The following ACOXL variants were observed in gnomAD, a reference collection of about 807,000 sequenced individuals.
ACOXL encodes acyl-coenzyme A oxidase-like protein.
Under a neutral mutation model 71.9 loss-of-function variants are expected in ACOXL, and 70 were observed. That is an observed-to-expected ratio of 0.97 (90% confidence interval 0.80 to 1.19). The LOEUF is 1.19. Among genes scored for constraint, ACOXL ranks in the 50% most tolerant of loss-of-function variants. ACOXL has a pLI of 0.00. For missense variants in ACOXL, 703 were observed against 736.3 expected, an observed-to-expected ratio of 0.95 and a Z score of 0.52; for synonymous variants, 253 against 281.6, an observed-to-expected ratio of 0.90 and a Z score of 1.02.
chr2:111,020,619 A>T (rs1312743772), intron 14 of ACOXL, among the ~76,000 whole-genome samples: 2 of 152,194 alleles, frequency 1.3e-5, no homozygotes, highest in Non-Finnish European at 2.9e-5. Flanking sequence ...CTTTGAATAT[A>T]CATTTACTGA....
At chr2:110,937,589 C>T (rs538459836) in intron 12 of ACOXL, among the ~76,000 whole-genome samples, 16 of 152,106 alleles carry the variant, frequency 1.1e-4, no homozygotes, top group Non-Finnish European at 2.2e-4. Flanking sequence ...AAAGAATGAA[C>T]ATCTTCTAAT....
At chr2:110,972,854 G>A (rs113854449) in intron 12 of ACOXL, among the ~76,000 whole-genome samples, 4 of 152,346 alleles carry the variant, frequency 2.6e-5, no homozygotes, top group East Asian at 3.9e-4. Flanking sequence ...GAGACTCCGT[G>A]TCCATGGTTT....
At chr2:111,067,367 A>G (rs1007716093) in intron 16 of ACOXL, among the ~76,000 whole-genome samples, 2 of 152,232 alleles carry the variant, frequency 1.3e-5, no homozygotes, top group African/African-American at 4.8e-5. Flanking sequence ...AGGATGAATC[A>G]AGTATCCAAT....
At chr2:111,056,296 A>G (rs926516489) in intron 16 of ACOXL, among the ~76,000 whole-genome samples, 2 of 151,858 alleles carry the variant, frequency 1.3e-5, no homozygotes, top group East Asian at 3.9e-4. Flanking sequence ...TCTCATTCCT[A>G]TGCCATTGAA....
chr2:110,897,532 T>C (rs1173059871), intron 10 of ACOXL, among the ~76,000 whole-genome samples: 2 of 148,596 alleles, frequency 1.3e-5, no homozygotes, highest in African/African-American at 4.9e-5. Context: ...ACTCCTCTCA[T>C]CAATCCCTTT....
At chr2:110,951,087 C>T (rs1467008760) in intron 12 of ACOXL, among the ~76,000 whole-genome samples, 1 of 152,110 alleles carries the variant, frequency 6.6e-6, no homozygotes, top group African/African-American at 2.4e-5. Flanking sequence ...AGTCAGAGTC[C>T]TCTCCAACTC....
chr2:111,079,835 T>G (rs1295834666), intron 16 of ACOXL, among the ~76,000 whole-genome samples: 1 of 142,586 alleles, frequency 7.0e-6, no homozygotes, highest in Middle Eastern at 3.8e-3. Flanking sequence ...TTTTTTTTTT[T>G]AATTCTGAAA....
At chr2:111,038,179 C>T (rs2065613051) in intron 15 of ACOXL, among the ~76,000 whole-genome samples, 1 of 152,156 alleles carries the variant, frequency 6.6e-6, no homozygotes, top group African/African-American at 2.4e-5. Flanking sequence ...TCTCAACTTT[C>T]ATCTGAGGAA....
At chr2:110,896,442 G>A (rs755770389) in intron 10 of ACOXL, among the ~76,000 whole-genome samples, 5 of 152,054 alleles carry the variant, frequency 3.3e-5, no homozygotes, top group Non-Finnish European at 5.9e-5. Context: ...TTGACAAAGT[G>A]TATTTAAAAA....
chr2:110,832,644 T>G (rs1172249337), intron 9 of ACOXL, among the ~76,000 whole-genome samples: 1 of 151,824 alleles, frequency 6.6e-6, no homozygotes, highest in Non-Finnish European at 1.5e-5. Flanking sequence ...AAATGACAAG[T>G]GCAGACTGGG....
intron 11 of ACOXL, among the ~76,000 whole-genome samples, chr2:110,909,859 A>C (rs913683891): frequency 6.6e-6 from 1 of 151,760 alleles, no homozygotes; most frequent in Non-Finnish European, 1.5e-5. Flanking sequence ...TCCAAGGTGC[A>C]AGGACACTGA....
intron 9 of ACOXL, among the ~76,000 whole-genome samples, chr2:110,839,676 C>G (rs1053626027): frequency 6.6e-6 from 1 of 152,158 alleles, no homozygotes; most frequent in African/African-American, 2.4e-5. Flanking sequence ...TATTCTGGAA[C>G]CAAGCTATTC....
intron 12 of ACOXL, among the ~76,000 whole-genome samples, chr2:110,973,468 A>G (rs939551117): frequency 6.6e-6 from 1 of 152,178 alleles, no homozygotes; most frequent in Non-Finnish European, 1.5e-5. Flanking sequence ...CTTACACCAT[A>G]TGCAGACTCA....
intron 2 of ACOXL, 49 bp downstream of exon 2, chr2:110,768,513 T>TGTGTGTGAGAGAGAGAGA: frequency 2.2e-6 from 2 of 929,830 alleles, no homozygotes; most frequent in East Asian, 6.2e-5. Flanking sequence ...TGTGTGTGTG[T>TGTGTGTGAGAGAGAGAGA]GAGAGAGAGA....
At chr2:110,845,081 A>G (rs554347392) in intron 10 of ACOXL, among the ~76,000 whole-genome samples, 1 of 152,362 alleles carries the variant, frequency 6.6e-6, no homozygotes, top group Non-Finnish European at 1.5e-5. Flanking sequence ...TGCTGCTATA[A>G]CAAAATACCA....
intron 2 of ACOXL, among the ~76,000 whole-genome samples, chr2:110,776,654 T>C (rs1408736468): frequency 6.6e-6 from 1 of 151,778 alleles, no homozygotes. Context: ...CACCATGTGG[T>C]GTGAGCAGAG....
intron 14 of ACOXL, among the ~76,000 whole-genome samples, chr2:111,028,404 C>T (rs943510082): frequency 1.3e-5 from 2 of 151,876 alleles, no homozygotes; most frequent in Admixed American, 6.6e-5. Flanking sequence ...CCTCTGAGCT[C>T]CTCGGCCTCC....
At chr2:110,808,881 C>A (rs1049911326) in intron 9 of ACOXL, among the ~76,000 whole-genome samples, 1 of 152,240 alleles carries the variant, frequency 6.6e-6, no homozygotes, top group Non-Finnish European at 1.5e-5. Context: ...AAAAGCTCCA[C>A]GCAGCTGGGG....
chr2:110,778,262 A>G (rs1682896831), intron 2 of ACOXL, among the ~76,000 whole-genome samples: 1 of 152,222 alleles, frequency 6.6e-6, no homozygotes, highest in Non-Finnish European at 1.5e-5. Flanking sequence ...AAAAAGATGC[A>G]CAAACCATAA....
Sources: allele counts gnomAD v4.1 joint callset (sites outside exome capture counted in the v4.1 genomes callset), GRCh38; gene constraint gnomAD v4.1.1; transcripts MANE v1.5; gene names NCBI Gene and HGNC (gene_info 2026-07-23, HGNC 2026-07-21).